Variants in FAAP20 observed in about 807,000 individuals in gnomAD.
FAAP20 encodes the protein Fanconi anemia core complex-associated protein 20.
In FAAP20, 12 loss-of-function variants were observed where a neutral mutation model predicts 16.2. That is an observed-to-expected ratio of 0.74 (90% CI 0.48 to 1.20). FAAP20 has a LOEUF of 1.20. FAAP20 is among the 50% of genes most tolerant of loss of function. The pLI is 0.00. For missense variants in FAAP20, 288 were observed against 245.8 expected (o/e 1.17, Z -1.15); for synonymous variants, 141 against 110.7 (o/e 1.27, Z -1.72).
chr1:2,212,687 A>T, upstream of FAAP20: 1 of 291,200 alleles, frequency 3.4e-6, no homozygotes, highest in Non-Finnish European at 6.8e-6. Context: ...AGTTCCAAGA[A>T]CGCGAGTCTC....
downstream of FAAP20, among the ~76,000 whole-genome samples, chr1:2,208,420 C>T (rs1386508587): frequency 6.6e-6 from 1 of 152,222 alleles, no homozygotes; most frequent in Non-Finnish European, 1.5e-5. Context: ...TTAACTTCTC[C>T]CCTGCAGTTG....
At chr1:2,208,066 G>A (rs72925902), downstream of FAAP20, among the ~76,000 whole-genome samples, 5,593 of 152,250 alleles carry the variant, frequency 0.037, 312 homozygotes, top group African/African-American at 0.12. Flanking sequence ...ACCAAGGCCC[G>A]TCTTGGATGC....
At chr1:2,210,937 C>T (rs1364796713), downstream of FAAP20, among the ~76,000 whole-genome samples, 3 of 152,228 alleles carry the variant, frequency 2.0e-5, no homozygotes, top group Non-Finnish European at 4.4e-5. Flanking sequence ...CTGGGCTTAG[C>T]GACTGCTGCC....
intron 1 of FAAP20, among the ~76,000 whole-genome samples, chr1:2,206,818 G>T (rs1408350153): frequency 6.8e-6 from 1 of 146,194 alleles, no homozygotes; most frequent in Non-Finnish European, 1.5e-5. Context: ...GGGCAACGGA[G>T]CGAGACTGTC....
downstream of FAAP20, among the ~76,000 whole-genome samples, chr1:2,211,399 T>TTATATATATATATATA (rs1158545722): frequency 1.4e-4 from 3 of 21,002 alleles, no homozygotes; most frequent in African/African-American, 5.0e-4. Flanking sequence ...CTGGCTAATT[T>TTATATATATATATATA]TATATATATA....
At chr1:2,202,451 C>T (rs1459874032), upstream of FAAP20, among the ~76,000 whole-genome samples, 8 of 151,962 alleles carry the variant, frequency 5.3e-5, no homozygotes, top group Non-Finnish European at 1.0e-4. Context: ...CAATCCTCAA[C>T]ACCTCTTTAT....
chr1:2,211,214 TTTTC>T (rs1336522522), downstream of FAAP20, among the ~76,000 whole-genome samples: 35 of 145,736 alleles, frequency 2.4e-4, no homozygotes, highest in East Asian at 1.0e-3. Flanking sequence ...TTTCTTTTCT[TTTTC>T]TTTCTTTCTT....
At chr1:2,186,626 C>T (rs574054956), downstream of FAAP20, among the ~76,000 whole-genome samples, 1 of 152,258 alleles carries the variant, frequency 6.6e-6, no homozygotes, top group East Asian at 1.9e-4. Context: ...GTCCAGGAGC[C>T]GACCTGGGTC....
At chr1:2,210,506 C>T (rs1105270), downstream of FAAP20, among the ~76,000 whole-genome samples, 68,165 of 152,020 alleles carry the variant, frequency 0.45, 16,079 homozygotes, top group African/African-American at 0.6. Context: ...TGGGGCTGAT[C>T]TAGTCACAGG....
chr1:2,195,678 C>A (rs562509721), upstream of FAAP20, among the ~76,000 whole-genome samples: 1 of 152,350 alleles, frequency 6.6e-6, no homozygotes, highest in African/African-American at 2.4e-5. Context: ...TGCCCTCCCT[C>A]CAGAACTCAG....
intron 1 of FAAP20, 122 bp from the exon 2 acceptor site, chr1:2,194,255 T>G: frequency 3.6e-6 from 4 of 1,100,018 alleles, no homozygotes; most frequent in East Asian, 5.2e-5. Context: ...GGAAATTCGA[T>G]GGTGCGGGAG....
chr1:2,205,550 G>A (rs1557793607), intron 3 of FAAP20, among the ~76,000 whole-genome samples: 1 of 152,092 alleles, frequency 6.6e-6, no homozygotes, highest in Non-Finnish European at 1.5e-5. Context: ...GAAGCGCGCG[G>A]GGGGTTCTGA....
downstream of FAAP20, chr1:2,185,590 G>A: frequency 1.4e-6 from 1 of 696,818 alleles, no homozygotes; most frequent in Non-Finnish European, 2.7e-6. Flanking sequence ...TGCAGAGTGT[G>A]TCCCAGCCGC....
At chr1:2,199,298 G>A (rs192506447), upstream of FAAP20, 106 of 1,062,014 alleles carry the variant, frequency 1.0e-4, no homozygotes, top group African/African-American at 1.7e-3. This position sits in a 1 kb window ranked among gnomAD's most constrained non-coding sequence, Gnocchi z 4.5. Context: ...CCCACGTGTC[G>A]GGCTCAGCTT....
upstream of FAAP20, chr1:2,199,236 C>G (rs1688945855): frequency 8.6e-7 from 1 of 1,162,820 alleles, no homozygotes; most frequent in South Asian, 1.7e-5. The surrounding 1 kb of genome is among the most constrained non-coding windows in gnomAD (Gnocchi z 4.5). Flanking sequence ...AAGTCCCCAG[C>G]ACCCCTTCAA....
downstream of FAAP20, among the ~76,000 whole-genome samples, chr1:2,210,615 C>T (rs545406996): frequency 6.6e-6 from 1 of 152,350 alleles, no homozygotes; most frequent in South Asian, 2.1e-4. Flanking sequence ...CCTCCGGGGG[C>T]TGTGAAGCTT....
chr1:2,206,442 A>G (rs553148852), intron 2 of FAAP20: 1 of 152,358 alleles, frequency 6.6e-6, no homozygotes, highest in Non-Finnish European at 1.5e-5. Flanking sequence ...GTATAAAACG[A>G]AACTGTTTAA....
downstream of FAAP20, among the ~76,000 whole-genome samples, chr1:2,209,431 G>A (rs891375625): frequency 1.7e-4 from 26 of 152,246 alleles, no homozygotes; most frequent in Non-Finnish European, 1.9e-4. Context: ...CAGCTCTCTA[G>A]AACAGGAACT....
downstream of FAAP20, chr1:2,186,216 CAG>C (rs752235561): frequency 2.1e-4 from 70 of 334,068 alleles, no homozygotes; most frequent in Middle Eastern, 6.0e-4. Flanking sequence ...CTCCATGACT[CAG>C]GGGCCGCTCC....
Sources: allele counts gnomAD v4.1 joint callset (sites outside exome capture counted in the v4.1 genomes callset), GRCh38; gene constraint gnomAD v4.1.1; non-coding constraint Gnocchi (gnomAD v3.1); transcripts MANE v1.5; gene names NCBI Gene and HGNC (gene_info 2026-07-23, HGNC 2026-07-21).